Variants in NEO1 observed in about 807,000 individuals in gnomAD.
NEO1 encodes neogenin.
Under a neutral mutation model 159.7 loss-of-function variants are expected in NEO1, and 63 were observed. The observed-to-expected ratio is 0.39, with a 90% CI of 0.32 to 0.49. The LOEUF is 0.49. Ranked by LOEUF, NEO1 falls within the 20% of genes least tolerant of loss-of-function variation. The pLI, the probability that NEO1 is intolerant of heterozygous loss-of-function variation, is 0.85. For synonymous variants in NEO1, 633 were observed against 662.0 expected (o/e 0.96, Z 0.67); for missense variants, 1,615 against 1,831.0 (o/e 0.88, Z 2.15).
At chr15:73,203,275 T>C (rs1377230551) in intron 7 of NEO1, among the ~76,000 whole-genome samples, 1 of 152,156 alleles carries the variant, frequency 6.6e-6, no homozygotes, top group Non-Finnish European at 1.5e-5. Flanking sequence ...CTTATTACTT[T>C]CATTTTTCGG....
At chr15:73,098,593 C>T (rs145305969) in intron 1 of NEO1, among the ~76,000 whole-genome samples, 42 of 152,256 alleles carry the variant, frequency 2.8e-4, no homozygotes, top group Admixed American at 2.2e-3. Context: ...TACAGTCTTG[C>T]GTACAACTGC....
At chr15:73,115,845 C>G (rs932365437) in intron 1 of NEO1, among the ~76,000 whole-genome samples, 2 of 152,126 alleles carry the variant, frequency 1.3e-5, no homozygotes, top group African/African-American at 4.8e-5. Context: ...GTGCTCTTTA[C>G]ACTAAAATGA....
intron 5 of NEO1, 52 bp downstream of exon 5, chr15:73,136,079 T>A: frequency 6.7e-7 from 1 of 1,503,728 alleles, no homozygotes; most frequent in Admixed American, 2.1e-5. Context: ...TTTCTGGGTC[T>A]GCTAATTTTT....
chr15:73,224,859 G>A (rs181151447), intron 7 of NEO1, among the ~76,000 whole-genome samples: 2 of 151,354 alleles, frequency 1.3e-5, no homozygotes, highest in East Asian at 3.9e-4. Context: ...ATGATTTTTT[G>A]GGGGGGGTGT....
chr15:73,165,093 A>ATTT (rs67749428), intron 5 of NEO1, among the ~76,000 whole-genome samples: 34 of 129,094 alleles, frequency 2.6e-4, no homozygotes, highest in Admixed American at 4.1e-4. Flanking sequence ...TGCCTGGCCA[A>ATTT]TTTTTTTTTT....
chr15:73,113,474 C>T (rs1176054061), intron 1 of NEO1, among the ~76,000 whole-genome samples: 1 of 152,074 alleles, frequency 6.6e-6, no homozygotes, highest in Non-Finnish European at 1.5e-5. Context: ...CTGAGATACC[C>T]AAAGGAACCT....
intron 7 of NEO1, among the ~76,000 whole-genome samples, chr15:73,218,888 A>G (rs2038063438): frequency 6.6e-6 from 1 of 151,924 alleles, no homozygotes; most frequent in Non-Finnish European, 1.5e-5. Flanking sequence ...TGGATTCATT[A>G]ATTTTTTGAA....
At chr15:73,287,660 C>G (rs961764111) in intron 23 of NEO1, among the ~76,000 whole-genome samples, 1 of 152,162 alleles carries the variant, frequency 6.6e-6, no homozygotes, top group African/African-American at 2.4e-5. Context: ...GGCGGCAGAT[C>G]ACCTGAGTTC....
chr15:73,236,285 A>C (rs2039166251), intron 7 of NEO1, 62 bp from the exon 8 acceptor site: 3 of 1,612,188 alleles, frequency 1.9e-6, no homozygotes, highest in Non-Finnish European at 2.5e-6. Context: ...GCACATGACA[A>C]GATGTTGCCA....
At chr15:73,237,684 T>C (rs1178992010) in intron 8 of NEO1, among the ~76,000 whole-genome samples, 2 of 152,202 alleles carry the variant, frequency 1.3e-5, no homozygotes, top group Non-Finnish European at 1.5e-5. Context: ...AATGCTATAC[T>C]GTGTGTTTTG....
chr15:73,134,985 ATT>A (rs2031584244), intron 4 of NEO1, among the ~76,000 whole-genome samples: 1 of 152,170 alleles, frequency 6.6e-6, no homozygotes, highest in Non-Finnish European at 1.5e-5. Flanking sequence ...TACATTTATT[ATT>A]GTGTTTGGTA....
chr15:73,117,210 T>C (rs761947641), intron 2 of NEO1, among the ~76,000 whole-genome samples: 1 of 152,230 alleles, frequency 6.6e-6, no homozygotes, highest in Non-Finnish European at 1.5e-5. Context: ...CCATTTAGTA[T>C]GGTTTTGTAA....
chr15:73,069,125 A>ATT (rs962027800), intron 1 of NEO1, among the ~76,000 whole-genome samples: 48,096 of 104,846 alleles, frequency 0.46, 10,324 homozygotes, highest in Non-Finnish European at 0.54. Context: ...TAATTTTTGT[A>ATT]TTTTTTTTTT....
chr15:73,149,521 A>G (rs1292574047), intron 5 of NEO1, among the ~76,000 whole-genome samples: 1 of 152,216 alleles, frequency 6.6e-6, no homozygotes, highest in Non-Finnish European at 1.5e-5. Flanking sequence ...TCCCAGGATG[A>G]TAAAAACTAT....
At chr15:73,274,595 GT>G (rs2041319347) in intron 20 of NEO1, 96 bp from the exon 21 acceptor site, 3 of 1,188,358 alleles carry the variant, frequency 2.5e-6, no homozygotes, top group Admixed American at 2.0e-5. Flanking sequence ...GTTTGTGGGG[GT>G]TTTAGTTTTT....
intron 1 of NEO1, among the ~76,000 whole-genome samples, chr15:73,072,432 G>A (rs188723103): frequency 2.2e-4 from 34 of 152,298 alleles, no homozygotes; most frequent in Admixed American, 2.0e-3. Context: ...AAAGTCTCAT[G>A]TATACAAGCT....
At chr15:73,279,025 C>T (rs1051783902) in intron 22 of NEO1, among the ~76,000 whole-genome samples, 5 of 152,184 alleles carry the variant, frequency 3.3e-5, no homozygotes, top group African/African-American at 1.2e-4. Flanking sequence ...AGAGAAACGC[C>T]TGTCCCCTAG....
At chr15:73,178,190 A>T in intron 6 of NEO1, 117 bp from the exon 7 acceptor site, 2 of 920,160 alleles carry the variant, frequency 2.2e-6, no homozygotes, top group Non-Finnish European at 1.6e-6. Context: ...AATATTTAAT[A>T]ATTGGATCAT....
At chr15:73,296,309 C>G (rs2042365783) in intron 26 of NEO1, among the ~76,000 whole-genome samples, 1 of 152,134 alleles carries the variant, frequency 6.6e-6, no homozygotes, top group African/African-American at 2.4e-5. Flanking sequence ...AGCTCCTACC[C>G]TGCCCAGCTT....
Sources: allele counts gnomAD v4.1 joint callset (sites outside exome capture counted in the v4.1 genomes callset), GRCh38; gene constraint gnomAD v4.1.1; transcripts MANE v1.5; gene names NCBI Gene and HGNC (gene_info 2026-07-23, HGNC 2026-07-21).